Variants in QSOX2 observed in about 807,000 individuals in gnomAD.
QSOX2 encodes quiescin sulfhydryl oxidase 2, also known as sulfhydryl oxidase 2.
In QSOX2, 46 loss-of-function variants were observed where a neutral mutation model predicts 61.7. That is an observed-to-expected ratio of 0.75 (90% confidence interval 0.59 to 0.95). QSOX2 has a LOEUF of 0.95. Among genes scored for constraint, QSOX2 ranks in the 40% least tolerant of loss-of-function variants. The pLI is 0.00. For missense variants in QSOX2, 879 were observed against 918.9 expected, an observed-to-expected ratio of 0.96 and a Z score of 0.56; for synonymous variants, 383 against 388.4, an observed-to-expected ratio of 0.99 and a Z score of 0.16.
chr9:136,239,791 C>CCGAG lies in QSOX2; in HGVS notation c.328+5681_328+5684dup, dbSNP rs141982205. ...TGCCAGGCCGTGTGCTCAGGGAAGG[C>CCGAG]CGAGCAGATGAGGGAGAATTTCAGT... On this transcript the variant is annotated intron_variant, in intron 1 of 11. Coordinates refer to ENST00000358701, the MANE Select transcript of QSOX2 (RefSeq NM_181701.4). 6.7e-4 allele frequency among the ~76,000 whole-genome samples: 102 copies of CCGAG among 152,362 alleles called. 1 individual carries two copies. The East Asian group carries it at 0.018, about 27-fold the overall frequency.
At position 136,209,486 on chromosome 9, in the gene QSOX2, G is replaced by T; in HGVS notation, c.1550-211C>A. On this transcript the variant is annotated intron_variant, in intron 11 of 11. Coordinates refer to ENST00000358701, the MANE Select transcript of QSOX2 (RefSeq NM_181701.4). This position sits in a 1 kb window ranked among gnomAD's most constrained non-coding sequence, Gnocchi z 5.6. ...CCTGCTTCTGCAGGCCCCTGCGCAC[G>T]TGTTCCCCTCTGCCGGTTCCCATAG... is the stretch of plus-strand genomic sequence containing the variant. 1.0e-6 allele frequency: 1 copy of T among 985,312 alleles called. No individual in the cohort carries two copies. Among genetic ancestry groups the T allele is most frequent in the Non-Finnish European group, 1.2e-6 (1 of 829,904 alleles). The allele number at this position is 985,312 out of a possible 1,614,324, so 61.0% of individuals were successfully genotyped here.
chr9:136,221,672 A>G lies in QSOX2; in HGVS notation c.821+124T>C. 4.7e-6 allele frequency: 5 copies of G among 1,055,782 alleles called. No homozygotes were observed. Among genetic ancestry groups the G allele is most frequent in the Non-Finnish European group, 6.6e-6 (5 of 755,620 alleles). The allele number at this position is 1,055,782 out of a possible 1,614,324, so 65.4% of individuals were successfully genotyped here. A position where few individuals can be genotyped will look rare whatever the true frequency, so the allele number is the denominator to read the frequency against. The stretch of plus-strand genomic sequence containing the variant: ...TGAGAGCCAGGGCCCAAATCTGCCC[A>G]GGGAAGCGAGGCGGAGGGGCCAGGG... On this transcript the variant is annotated intron_variant, in intron 6 of 11. Transcript: ENST00000358701. The surrounding 1 kb of genome is among the most constrained non-coding windows in gnomAD (Gnocchi z 4.5).
rs1369491986 is a variant in QSOX2, at chr9:136,206,611, G to T, written c.*2117C>A. On this transcript the variant is annotated 3_prime_UTR_variant, in exon 12 of 12. Transcript: ENST00000358701. Reference sequence around the variant, plus strand: ...TCCAGCTCTGAGCAGGCCACACAAGGTGTGTCTGAGTATGGCCATATGACT... The same window carrying T: ...TCCAGCTCTGAGCAGGCCACACAAGTTGTGTCTGAGTATGGCCATATGACT... 5.9e-5 allele frequency: 9 copies of T among 152,316 alleles called. No homozygotes were observed. The highest frequency in any genetic ancestry group is 2.6e-4 in the Admixed American group (4 of 15,278). The allele number at this position is 152,316 out of a possible 1,614,324, so 9.4% of individuals were successfully genotyped here. A position where few individuals can be genotyped will look rare whatever the true frequency, so the allele number is the denominator to read the frequency against.
Position 136,209,669 on chromosome 9 carries a change from CT to C in QSOX2, c.1550-395del, listed in dbSNP as rs1398445056. ...TGCCTGTGTGCCCCTCCCCCCACTG[CT>C]GCCCCTCTGCCCTTTCCTGAGGGTG... On this transcript the variant is annotated intron_variant, in intron 11 of 11. Transcript: ENST00000358701. The surrounding 1 kb of genome is among the most constrained non-coding windows in gnomAD (Gnocchi z 5.6). The C allele has an allele frequency of 2.0e-6, 2 of 985,060 alleles. No individual in the cohort carries two copies. The highest frequency in any genetic ancestry group is 3.5e-5 in the African/African-American group (2 of 57,204). 61.0% of individuals were successfully genotyped at this position (985,060 alleles called of 1,614,324 possible).
rs931227508 is a variant in QSOX2, at chr9:136,207,924, T to TAGAC, written c.*800_*803dup. The TAGAC allele has an allele frequency of 6.6e-6, 1 of 152,316 alleles. No homozygotes were observed. Among genetic ancestry groups the TAGAC allele is most frequent in the Admixed American group, 6.5e-5 (1 of 15,286 alleles). The allele number at this position is 152,316 out of a possible 1,614,324, so 9.4% of individuals were successfully genotyped here. On this transcript the variant is annotated 3_prime_UTR_variant, in exon 12 of 12. Transcript: ENST00000358701. ...TACTTGTCTCTCTCTTGTCACCAGA[T>TAGAC]AGACAGACAAAGGCGCTGCCTCTGA...
At chr9:136,245,394 C>T in intron 1 of QSOX2, 82 bp downstream of exon 1, 1 of 1,224,972 alleles carries the variant, frequency 8.2e-7, no homozygotes, top group Non-Finnish European at 1.1e-6. Flanking sequence ...CCCCGGGACC[C>T]GCCTTCTGGG....
Position 136,207,393 on chromosome 9 carries a change from A to ACACGGG in QSOX2, c.*1334_*1335insCCCGTG, listed in dbSNP as rs1831780843. On this transcript the variant is annotated 3_prime_UTR_variant, in exon 12 of 12. Transcript: ENST00000358701. ...CACACACACACACACACACACACAC[A>ACACGGG]CACACACACGGGCACACAAATACAT... 2 of 151,998 alleles carry ACACGGG rather than the reference A, an allele frequency of 1.3e-5. No homozygotes were observed. The highest frequency in any genetic ancestry group is 4.8e-5 in the African/African-American group (2 of 41,254). The allele number at this position is 151,998 out of a possible 1,614,324, so 9.4% of individuals were successfully genotyped here. A position where few individuals can be genotyped will look rare whatever the true frequency, so the allele number is the denominator to read the frequency against.
intron 11 of QSOX2, chr9:136,210,136 A>C (rs1480495993): frequency 1.0e-6 from 1 of 985,374 alleles, no homozygotes; most frequent in South Asian, 4.7e-5. Context: ...ACGAAGCCAG[A>C]GGGGACAAGC....
At position 136,223,017 on chromosome 9, in the gene QSOX2, A is replaced by G. The variant is rs186882737; in HGVS notation, c.675+746T>C. Among the ~76,000 whole-genome samples the G allele has an allele frequency of 2.0e-5, 3 of 152,368 alleles. No homozygotes were observed. Among genetic ancestry groups the G allele is most frequent in the African/African-American group, 4.8e-5 (2 of 41,588 alleles). ...AGGAGGGCAGCCAGGGCACAAAGCG[A>G]GACGGTCACAGTGCAGGTGTCTGCA... On this transcript the variant is annotated intron_variant, in intron 5 of 11. Transcript: ENST00000358701. The surrounding 1 kb of genome is among the most constrained non-coding windows in gnomAD (Gnocchi z 4.4).
At chr9:136,210,171 A>T (rs1831828326) in intron 11 of QSOX2, 3 of 985,364 alleles carry the variant, frequency 3.0e-6, no homozygotes, top group Non-Finnish European at 3.6e-6. Context: ...CCTTGGTCAG[A>T]AGCTGCCAGA....
intron 3 of QSOX2, 39 bp downstream of exon 3, chr9:136,224,822 G>A: frequency 7.0e-7 from 1 of 1,435,432 alleles, no homozygotes; most frequent in Non-Finnish European, 9.7e-7. Context: ...GTTTATGAGG[G>A]GAATCTCAGG....
rs1171398245 is a variant in QSOX2 at position 136,222,569 on chromosome 9, G to A, written c.676-628C>T. 4.6e-5 allele frequency among the ~76,000 whole-genome samples: 7 copies of A among 152,234 alleles called. No homozygotes were observed. The highest frequency in any genetic ancestry group is 2.1e-4 in the South Asian group (1 of 4,838). On this transcript the variant is annotated intron_variant, in intron 5 of 11. Transcript: ENST00000358701. The surrounding 1 kb of genome is among the most constrained non-coding windows in gnomAD (Gnocchi z 6.9). ...CCCTGGCTAAAGGTGTGAACTGGGC[G>A]CCCCGCGTGGCCGTGCCTCTCCTGA... is the stretch of plus-strand genomic sequence containing the variant.
chr9:136,234,230 G>A (rs1046004285), intron 1 of QSOX2, among the ~76,000 whole-genome samples: 3 of 152,244 alleles, frequency 2.0e-5, no homozygotes, highest in Admixed American at 6.5e-5. Flanking sequence ...AACACAGTAC[G>A]GAACACGTGT....
In QSOX2 at chr9:136,208,721, C is replaced by T. The variant is rs1384012404; in HGVS notation, c.*7G>A. 12 of 1,598,376 alleles carry T rather than the reference C, an allele frequency of 7.5e-6. No individual in the cohort carries two copies. Among genetic ancestry groups the T allele is most frequent in the African/African-American group, 1.3e-5 (1 of 74,826 alleles). On this transcript the variant is annotated 3_prime_UTR_variant, in exon 12 of 12. Coordinates refer to ENST00000358701, the MANE Select transcript of QSOX2 (RefSeq NM_181701.4). ...AGCTTCCGCCGTGGCTGGCAGCACC[C>T]GGGCACTCACACGGCCGGGTGGTGG...
intron 1 of QSOX2, among the ~76,000 whole-genome samples, chr9:136,237,637 G>A (rs1830399118): frequency 2.2e-5 from 3 of 138,868 alleles, no homozygotes; most frequent in African/African-American, 8.3e-5. Context: ...CCTGGAGCCC[G>A]TCCTGTGCCA....
rs1446480839 is a variant in QSOX2, at chr9:136,223,145, CA to C, written c.675+617del. Among the ~76,000 whole-genome samples, 6 of 152,180 alleles carry C rather than the reference CA, an allele frequency of 3.9e-5. No homozygotes were observed. The highest frequency in any genetic ancestry group is 2.0e-4 in the Admixed American group (3 of 15,284). On this transcript the variant is annotated intron_variant, in intron 5 of 11. Coordinates refer to ENST00000358701, the MANE Select transcript of QSOX2 (RefSeq NM_181701.4). The surrounding 1 kb of genome is among the most constrained non-coding windows in gnomAD (Gnocchi z 4.4). ...AGTGGACAGAAAAACAGTCGCCTATCAAGTTGCAAGGAGGAGGAGGAGAAGC... is the reference window on the plus strand; with the variant it reads ...AGTGGACAGAAAAACAGTCGCCTATCAGTTGCAAGGAGGAGGAGGAGAAGC...
intron 1 of QSOX2, among the ~76,000 whole-genome samples, chr9:136,230,555 G>A (rs1037501986): frequency 5.9e-5 from 9 of 152,106 alleles, no homozygotes; most frequent in Admixed American, 4.6e-4. Flanking sequence ...CTCAGTACTC[G>A]GCCTCCGTGA....
At position 136,208,519 on chromosome 9, in the gene QSOX2, G is replaced by T; in HGVS notation, c.*209C>A. 1 of 572,854 alleles carries T rather than the reference G, an allele frequency of 1.7e-6. No homozygotes were observed. The highest frequency in any genetic ancestry group is 3.0e-6 in the Non-Finnish European group (1 of 333,830). The allele number at this position is 572,854 out of a possible 1,614,324, so 35.5% of individuals were successfully genotyped here. A position where few individuals can be genotyped will look rare whatever the true frequency, so the allele number is the denominator to read the frequency against. ...GAACAGACTTGAGTACGCCAGGAAT[G>T]CAAATATCCCCACAAAATTACCCCG... On this transcript the variant is annotated 3_prime_UTR_variant, in exon 12 of 12. Transcript: ENST00000358701.
At position 136,236,785 on chromosome 9, in the gene QSOX2, G is replaced by A. The variant is rs72502723; in HGVS notation, c.328+8691C>T. Among the ~76,000 whole-genome samples the A allele has an allele frequency of 0.026, 3,758 of 142,654 alleles. 197 individuals carry two copies. In the East Asian group the frequency reaches 0.26, roughly 10 times the overall value. The allele number at this position is 142,654 out of a possible 152,430, so 93.6% of individuals were successfully genotyped here. A position where few individuals can be genotyped will look rare whatever the true frequency, so the allele number is the denominator to read the frequency against. ...CCAGCGTCACCTGGTGCCCGTCCTG[G>A]GCCGGCGACACCTGGAGCCCGTCCT... On this transcript the variant is annotated intron_variant, in intron 1 of 11. Coordinates refer to ENST00000358701, the MANE Select transcript of QSOX2 (RefSeq NM_181701.4).
Sources: gnomAD v4.1 joint callset for allele counts (sites outside exome capture counted in the v4.1 genomes callset) on GRCh38, gnomAD v4.1.1 for gene constraint, Gnocchi (gnomAD v3.1) non-coding constraint, MANE v1.5 for transcripts, NCBI Gene and HGNC (gene_info 2026-07-23, HGNC 2026-07-21) for gene names.